The following DLG1 variants were observed in gnomAD, a reference collection of about 807,000 sequenced individuals.
DLG1 encodes the protein disks large homolog 1.
A neutral mutation model predicts 123.4 loss-of-function variants in DLG1; 42 were observed. The observed-to-expected ratio is 0.34, with a 90% confidence interval of 0.27 to 0.44. The LOEUF (loss-of-function observed/expected upper bound fraction) is 0.44. DLG1 is among the 20% of genes least tolerant of loss of function. The pLI is 1.00. For missense variants in DLG1, 942 were observed against 1,082.6 expected (o/e 0.87, Z 1.82); for synonymous variants, 317 against 356.2 (o/e 0.89, Z 1.24).
intron 3 of DLG1, among the ~76,000 whole-genome samples, chr3:197,288,743 A>AAAAAAAAAAAAAAAAAAACATACATAC: frequency 1.4e-5 from 1 of 72,078 alleles, no homozygotes; most frequent in Non-Finnish European, 2.4e-5. Context: ...AAAAAAAAAA[A>AAAAAAAAAAAAAAAAAAACATACATAC]ATACATACAT....
chr3:197,268,912 A>C (rs1762807214), intron 4 of DLG1, among the ~76,000 whole-genome samples: 1 of 151,704 alleles, frequency 6.6e-6, no homozygotes, highest in Non-Finnish European at 1.5e-5. Context: ...ACACACACAC[A>C]CCCGTTAACT....
intron 4 of DLG1, among the ~76,000 whole-genome samples, chr3:197,254,879 G>A (rs1235472457): frequency 6.6e-6 from 1 of 151,722 alleles, no homozygotes; most frequent in Non-Finnish European, 1.5e-5. Flanking sequence ...GAAACCCCAC[G>A]TTTACTAAAA....
At position 197,136,524 on chromosome 3, in the gene DLG1, T is replaced by TAG. The variant is rs765593615; in HGVS notation, c.1020+16_1020+17dup. The TAG allele has an allele frequency of 2.4e-5, 39 of 1,592,492 alleles. No individual in the cohort carries two copies. Among genetic ancestry groups the TAG allele is most frequent in the Non-Finnish European group, 3.3e-5 (39 of 1,170,154 alleles). On this transcript the variant is annotated intron_variant, in intron 10 of 24. Transcript: ENST00000667157. ...GACTACAAAATGATTTAAAAGACAA[T>TAG]AGATTTCTTATACTTACTGCTAAAA... is the stretch of plus-strand genomic sequence containing the variant.
chr3:197,297,708 C>G (rs1466615489), intron 1 of DLG1: 1 of 987,960 alleles, frequency 1.0e-6, no homozygotes, highest in African/African-American at 1.7e-5. Flanking sequence ...GCTGCTCCAG[C>G]GGGGGCCGGA....
chr3:197,207,390 C>T lies in DLG1; in HGVS notation c.319-12801G>A, dbSNP rs115568347. ...TACCAAATGAAAAGAAGACAGACCA[C>T]GTTCTTGGCAGAAAGAATCAAGTCA... On this transcript the variant is annotated intron_variant, in intron 4 of 24. Coordinates refer to ENST00000667157, the MANE Select transcript of DLG1 (RefSeq NM_001366207.1). Among the ~76,000 whole-genome samples the T allele has an allele frequency of 4.5e-3, 684 of 152,258 alleles. 6 individuals carry two copies. The highest frequency in any genetic ancestry group is 0.016 in the African/African-American group (659 of 41,546).
rs1448459188 is a variant in DLG1 at position 197,042,610 on chromosome 3, T to A, written c.*2013A>T. The A allele has an allele frequency of 6.6e-6, 1 of 152,250 alleles. No individual in the cohort carries two copies. The highest frequency in any genetic ancestry group is 2.4e-5 in the African/African-American group (1 of 41,462). The allele number at this position is 152,250 out of a possible 1,614,324, so 9.4% of individuals were successfully genotyped here. On this transcript the variant is annotated 3_prime_UTR_variant, in exon 25 of 25. Transcript: ENST00000667157. ...TTAATATATAAATGGCATCCTTTTA[T>A]AACCACTTGATATTTTACAACATGT...
chr3:197,119,417 T>C lies in DLG1; in HGVS notation c.1279A>G (p.Ile427Val). Reference protein sequence around the residue: ...VSKAVLGDDEITREPRKVVLH... With the variant: ...VSKAVLGDDEVTREPRKVVLH... ...AAATGTTAACTTCCTTACCTTGTAA[T>C]TTCATCATCTCCAAGTACTGCTTTA... Residue 427 changes from isoleucine (I) to valine (V), a missense_variant, in exon 12 of 25, where the codon ATT becomes GTT. By Grantham distance (29) the Ile-to-Val change is conservative. Coordinates refer to ENST00000667157, the MANE Select transcript of DLG1 (RefSeq NM_001366207.1). 6.2e-7 allele frequency: 1 copy of C among 1,600,780 alleles called. No homozygotes were observed. Among genetic ancestry groups the C allele is most frequent in the Non-Finnish European group, 8.5e-7 (1 of 1,172,352 alleles).
Position 197,044,449 on chromosome 3 carries a change from TACAC to T in DLG1, c.*170_*173del, listed in dbSNP as rs1344850867. Reference sequence around the variant, plus strand: ...ACTAACCAATAGTGACATTAAATAATACACACGATGTAACTTGAAGGAGACACTA... The same window carrying T: ...ACTAACCAATAGTGACATTAAATAATACGATGTAACTTGAAGGAGACACTA... On this transcript the variant is annotated 3_prime_UTR_variant, in exon 25 of 25. Coordinates refer to ENST00000667157, the MANE Select transcript of DLG1 (RefSeq NM_001366207.1). 8.8e-6 allele frequency: 4 copies of T among 453,312 alleles called. No homozygotes were observed. The highest frequency in any genetic ancestry group is 6.0e-5 in the African/African-American group (3 of 49,624). 28.1% of individuals were successfully genotyped at this position (453,312 alleles called of 1,614,324 possible).
intron 4 of DLG1, among the ~76,000 whole-genome samples, chr3:197,235,978 A>C (rs533618118): frequency 1.3e-5 from 2 of 152,350 alleles, no homozygotes; most frequent in Admixed American, 1.3e-4. Context: ...TGGGAAAAAA[A>C]ACCTGTCAAC....
intron 15 of DLG1, among the ~76,000 whole-genome samples, chr3:197,090,028 G>A (rs1756865227): frequency 6.6e-6 from 1 of 151,718 alleles, no homozygotes; most frequent in East Asian, 2.0e-4. Flanking sequence ...AACAAGTACA[G>A]AGTACCTGTT....
At chr3:197,069,098 G>T in intron 19 of DLG1, 121 bp downstream of exon 19, 1 of 548,304 alleles carries the variant, frequency 1.8e-6, no homozygotes, top group South Asian at 4.7e-5. Flanking sequence ...GTCTCTCCCT[G>T]ATTTTAAAAT....
chr3:197,126,447 A>G (rs944415182), intron 11 of DLG1, among the ~76,000 whole-genome samples: 2 of 152,040 alleles, frequency 1.3e-5, no homozygotes, highest in Non-Finnish European at 2.9e-5. Flanking sequence ...AGCCTGGGCA[A>G]CAAGAGCGAA....
chr3:197,238,012 G>A (rs569513998), intron 4 of DLG1, among the ~76,000 whole-genome samples: 1 of 152,194 alleles, frequency 6.6e-6, no homozygotes, highest in Non-Finnish European at 1.5e-5. Context: ...TGCAGTGTTA[G>A]TGAAGACCAC....
chr3:197,153,635 T>C (rs562574834), intron 5 of DLG1, among the ~76,000 whole-genome samples: 76 of 152,264 alleles, frequency 5.0e-4, no homozygotes, highest in Admixed American at 3.5e-3. Context: ...TTCCAGGAGA[T>C]TGAAAGAGCT....
intron 13 of DLG1, among the ~76,000 whole-genome samples, chr3:197,114,780 A>ATC (rs1772172124): frequency 2.0e-5 from 3 of 152,124 alleles, no homozygotes; most frequent in Non-Finnish European, 2.9e-5. Context: ...CAGGAGATCG[A>ATC]GACCATCCTG....
chr3:197,259,908 T>C (rs1758600394), intron 4 of DLG1, among the ~76,000 whole-genome samples: 1 of 152,024 alleles, frequency 6.6e-6, no homozygotes, highest in African/African-American at 2.4e-5. Flanking sequence ...TCAAAACGAG[T>C]TATACTTTCA....
At chr3:197,058,814 C>T (rs960522122) in intron 23 of DLG1, among the ~76,000 whole-genome samples, 12 of 152,168 alleles carry the variant, frequency 7.9e-5, no homozygotes, top group Non-Finnish European at 1.0e-4. Flanking sequence ...AATTACTTTT[C>T]GCCCCTATGC....
chr3:197,221,596 T>C (rs1283862983), intron 4 of DLG1, among the ~76,000 whole-genome samples: 2 of 152,126 alleles, frequency 1.3e-5, no homozygotes, highest in African/African-American at 2.4e-5. Flanking sequence ...TTTCAACCTT[T>C]ATGTAGACAT....
upstream of DLG1, chr3:197,298,664 A>C: frequency 1.3e-5 from 2 of 148,598 alleles, no homozygotes; most frequent in Non-Finnish European, 1.4e-5. Flanking sequence ...TGCACCTCCC[A>C]GGGGGCGGGG....
Sources: allele counts gnomAD v4.1 joint callset (sites outside exome capture counted in the v4.1 genomes callset), GRCh38; gene constraint gnomAD v4.1.1; transcripts MANE v1.5; gene names NCBI Gene and HGNC (gene_info 2026-07-23, HGNC 2026-07-21).